Variants in ADGRB3 observed in about 807,000 individuals in gnomAD.
ADGRB3 encodes brain-specific angiogenesis inhibitor 3.
A neutral mutation model predicts 193.4 loss-of-function variants in ADGRB3; 37 were observed. That is an observed-to-expected ratio of 0.19 (90% CI 0.15 to 0.25). The LOEUF (loss-of-function observed/expected upper bound fraction) is 0.25. Among genes scored for constraint, ADGRB3 ranks in the 10% least tolerant of loss-of-function variants. ADGRB3 has a pLI of 1.00. For synonymous variants in ADGRB3, 690 were observed against 644.2 expected, an observed-to-expected ratio of 1.07 and a Z score of -1.08; for missense variants, 1,637 against 1,852.9, an observed-to-expected ratio of 0.88 and a Z score of 2.14.
intron 13 of ADGRB3, among the ~76,000 whole-genome samples, chr6:69,029,030 G>A (rs1770528994): frequency 6.6e-6 from 1 of 152,126 alleles, no homozygotes; most frequent in Non-Finnish European, 1.5e-5. Flanking sequence ...CTCCCATTCA[G>A]AGTGGGTGCA....
intron 3 of ADGRB3, among the ~76,000 whole-genome samples, chr6:68,879,087 A>G (rs12174093): frequency 0.22 from 33,195 of 152,054 alleles, 4,167 homozygotes; most frequent in East Asian, 0.58. Flanking sequence ...TCATGGCATA[A>G]GCAAGATAAA....
chr6:69,103,302 A>G (rs1773117672), intron 17 of ADGRB3, among the ~76,000 whole-genome samples: 2 of 152,182 alleles, frequency 1.3e-5, no homozygotes, highest in African/African-American at 4.8e-5. Flanking sequence ...ATTTGCTGAA[A>G]TGAAATACCA....
At chr6:68,756,665 G>T (rs1185364536) in intron 3 of ADGRB3, among the ~76,000 whole-genome samples, 1 of 152,072 alleles carries the variant, frequency 6.6e-6, no homozygotes, top group Non-Finnish European at 1.5e-5. Context: ...GGGAGCTCAG[G>T]GTTATTTTGT....
intron 15 of ADGRB3, among the ~76,000 whole-genome samples, chr6:69,051,983 C>T (rs983737810): frequency 2.0e-5 from 3 of 152,140 alleles, no homozygotes; most frequent in African/African-American, 7.2e-5. Context: ...CAAGATCTCC[C>T]GGGTTCACAC....
chr6:68,989,920 TTAAA>T (rs1208915442), intron 10 of ADGRB3, among the ~76,000 whole-genome samples: 1 of 152,086 alleles, frequency 6.6e-6, no homozygotes, highest in African/African-American at 2.4e-5. Context: ...AAGTTGATAT[TTAAA>T]TAAGATATAT....
chr6:68,815,947 G>A (rs970284928), intron 3 of ADGRB3, among the ~76,000 whole-genome samples: 2 of 151,862 alleles, frequency 1.3e-5, no homozygotes, highest in Non-Finnish European at 2.9e-5. Context: ...CAGATATGGG[G>A]AAGGTATCTT....
At chr6:68,765,389 A>G (rs1408348508) in intron 3 of ADGRB3, among the ~76,000 whole-genome samples, 1 of 152,152 alleles carries the variant, frequency 6.6e-6, no homozygotes, top group Non-Finnish European at 1.5e-5. Context: ...AGTCATGCAT[A>G]GGCATTAAAG....
At chr6:68,666,743 A>T (rs528508490) in intron 3 of ADGRB3, among the ~76,000 whole-genome samples, 1 of 151,832 alleles carries the variant, frequency 6.6e-6, no homozygotes, top group African/African-American at 2.4e-5. Flanking sequence ...AAACTTATTA[A>T]TGTCATAACT....
intron 31 of ADGRB3, among the ~76,000 whole-genome samples, chr6:69,386,038 T>C (rs1230401951): frequency 2.0e-5 from 3 of 151,948 alleles, no homozygotes; most frequent in African/African-American, 7.3e-5. Flanking sequence ...TTGTGAACAA[T>C]AATGAGAACA....
chr6:69,334,571 T>A (rs1484175350), intron 24 of ADGRB3, among the ~76,000 whole-genome samples: 1 of 152,206 alleles, frequency 6.6e-6, no homozygotes, highest in Non-Finnish European at 1.5e-5. Flanking sequence ...AGCACAGCTT[T>A]CTAGATCATT....
chr6:68,855,325 T>C (rs920198713), intron 3 of ADGRB3, among the ~76,000 whole-genome samples: 2 of 152,176 alleles, frequency 1.3e-5, no homozygotes, highest in East Asian at 3.8e-4. Context: ...AATAGTTTCC[T>C]GTCCACTGTC....
At position 69,126,409 on chromosome 6, in the gene ADGRB3, C is replaced by T. The variant is rs543088699; in HGVS notation, c.2480+50371C>T. On this transcript the variant is annotated intron_variant, in intron 17 of 31. Coordinates refer to ENST00000370598, the MANE Select transcript of ADGRB3 (RefSeq NM_001704.3). ...GTAGAGTGGCTCAGTCCAAGCCCAA[C>T]GGCCTCAGAACTGTGGAAGCCACTG... Among the ~76,000 whole-genome samples the T allele has an allele frequency of 5.9e-5, 9 of 152,248 alleles. No individual in the cohort carries two copies. In the South Asian group the frequency reaches 6.2e-4, roughly 11 times the overall value.
intron 3 of ADGRB3, among the ~76,000 whole-genome samples, chr6:68,687,678 G>A (rs1385484847): frequency 6.6e-6 from 1 of 152,010 alleles, no homozygotes; most frequent in African/African-American, 2.4e-5. Context: ...CACTTACTGT[G>A]TATTTATTAT....
chr6:68,762,173 C>A (rs1040032311), intron 3 of ADGRB3, among the ~76,000 whole-genome samples: 1 of 152,004 alleles, frequency 6.6e-6, no homozygotes, highest in Non-Finnish European at 1.5e-5. Flanking sequence ...CCACTCTTTT[C>A]TCCACCATCT....
At position 69,040,305 on chromosome 6, in the gene ADGRB3, G is replaced by GTCTC. The variant is rs377512625; in HGVS notation, c.2108-7878_2108-7875dup. On this transcript the variant is annotated intron_variant, in intron 13 of 31. Coordinates refer to ENST00000370598, the MANE Select transcript of ADGRB3 (RefSeq NM_001704.3). ...GGTTTTTGCCTTCCTTCCTTTCTCT[G>GTCTC]TCTCTTTCTTTCTTTCTTTCTTTCT... Among the ~76,000 whole-genome samples, 58 of 106,898 alleles carry GTCTC rather than the reference G, an allele frequency of 5.4e-4. 1 individual carries two copies. The highest frequency in any genetic ancestry group is 4.8e-4 in the Admixed American group (5 of 10,516). 70.1% of individuals were successfully genotyped at this position (106,898 alleles called of 152,430 possible).
At chr6:68,671,088 T>C (rs1272757679) in intron 3 of ADGRB3, among the ~76,000 whole-genome samples, 1 of 152,100 alleles carries the variant, frequency 6.6e-6, no homozygotes, top group Non-Finnish European at 1.5e-5. Flanking sequence ...AAAATGCTAC[T>C]AAATTTTGTA....
chr6:69,061,695 A>C (rs1411683288), intron 15 of ADGRB3, among the ~76,000 whole-genome samples: 1 of 70,046 alleles, frequency 1.4e-5, no homozygotes, highest in Non-Finnish European at 3.6e-5. Context: ...CTGTATTTGT[A>C]CCATACAATA....
chr6:69,367,358 A>G (rs1319869827), intron 29 of ADGRB3, among the ~76,000 whole-genome samples: 1 of 152,108 alleles, frequency 6.6e-6, no homozygotes, highest in Non-Finnish European at 1.5e-5. Flanking sequence ...CATGATTTAG[A>G]GTTCTTTGGG....
At chr6:68,743,605 T>C (rs992762847) in intron 3 of ADGRB3, among the ~76,000 whole-genome samples, 3 of 152,012 alleles carry the variant, frequency 2.0e-5, no homozygotes, top group Admixed American at 1.3e-4. Flanking sequence ...GACATAGACA[T>C]TCTGAAAAGA....
Sources: gnomAD v4.1 joint callset for allele counts (sites outside exome capture counted in the v4.1 genomes callset) on GRCh38, gnomAD v4.1.1 for gene constraint, MANE v1.5 for transcripts, NCBI Gene and HGNC (gene_info 2026-07-23, HGNC 2026-07-21) for gene names.